NF2: variants seen among roughly 807,000 people sequenced by gnomAD.
NF2 encodes NF2, moesin-ezrin-radixin like (MERLIN) tumor suppressor.
NF2 carries 8 observed loss-of-function variants against 83.7 expected under a neutral mutation model. The observed-to-expected ratio is 0.10, with a 90% confidence interval of 0.06 to 0.17. The LOEUF (loss-of-function observed/expected upper bound fraction) is 0.17. NF2 is among the 10% of genes least tolerant of loss of function. The pLI, the probability that NF2 is intolerant of heterozygous loss-of-function variation, is 1.00. For synonymous variants in NF2, 266 were observed against 269.6 expected, an observed-to-expected ratio of 0.99 and a Z score of 0.13; for missense variants, 533 against 744.4, an observed-to-expected ratio of 0.72 and a Z score of 3.31.
In NF2 at chr22:29,636,132, T is replaced by C. The variant is rs2065641053; in HGVS notation, c.115-619T>C. On this transcript the variant is annotated intron_variant, in intron 1 of 15. Transcript: ENST00000338641. This position sits in a 1 kb window ranked among gnomAD's most constrained non-coding sequence, Gnocchi z 4.4. Reference sequence around the variant, plus strand: ...TCACCTGGGTTTAGATACCAGGAGTTTGAATTTGCTCTGGGTGACTGGGTG... The same window carrying C: ...TCACCTGGGTTTAGATACCAGGAGTCTGAATTTGCTCTGGGTGACTGGGTG... 6.6e-6 allele frequency among the ~76,000 whole-genome samples: 1 copy of C among 152,168 alleles called. No individual in the cohort carries two copies. Among genetic ancestry groups the C allele is most frequent in the African/African-American group, 2.4e-5 (1 of 41,428 alleles).
chr22:29,659,637 T>C (rs2066417926), intron 7 of NF2, among the ~76,000 whole-genome samples: 1 of 152,184 alleles, frequency 6.6e-6, no homozygotes, highest in South Asian at 2.1e-4. Context: ...CTTAAAACAG[T>C]TTAAAAGGGG....
chr22:29,628,627 CTTTTT>C (rs5844863), intron 1 of NF2, among the ~76,000 whole-genome samples: 1 of 69,218 alleles, frequency 1.4e-5, no homozygotes, highest in South Asian at 5.9e-4. Context: ...TTTGTGACAT[CTTTTT>C]TTTTTTTTTT....
At chr22:29,666,793 A>G (rs183159846) in intron 9 of NF2, among the ~76,000 whole-genome samples, 1 of 152,320 alleles carries the variant, frequency 6.6e-6, no homozygotes, top group East Asian at 1.9e-4. Flanking sequence ...CCTGACCAAC[A>G]TGGAGAAATC....
At chr22:29,628,140 CTGTGTGTGTGTG>C (rs3138701) in intron 1 of NF2, among the ~76,000 whole-genome samples, 199 of 139,766 alleles carry the variant, frequency 1.4e-3, no homozygotes, top group African/African-American at 4.2e-3. Flanking sequence ...GAGACTTAAT[CTGTGTGTGTGTG>C]TGTGTGTGTG....
At chr22:29,689,984 G>A (rs1434115834) in intron 15 of NF2, among the ~76,000 whole-genome samples, 8 of 152,234 alleles carry the variant, frequency 5.3e-5, no homozygotes. Flanking sequence ...AGGAGAGTTG[G>A]CCGTGCGCCT....
At chr22:29,617,146 C>T (rs1357193129) in intron 1 of NF2, among the ~76,000 whole-genome samples, 1 of 152,138 alleles carries the variant, frequency 6.6e-6, no homozygotes, top group Non-Finnish European at 1.5e-5. Context: ...CCAGGCTGAT[C>T]TTGAACTCCT....
Position 29,607,756 on chromosome 22 carries a change from T to C in NF2, c.114+3644T>C, listed in dbSNP as rs116975379. Among the ~76,000 whole-genome samples the C allele has an allele frequency of 4.2e-3, 645 of 152,156 alleles. 10 individuals carry two copies. The Middle Eastern group carries it at 0.044, about 10-fold the overall frequency. On this transcript the variant is annotated intron_variant, in intron 1 of 15. Transcript: ENST00000338641. Reference sequence around the variant, plus strand: ...TTCACAGTACTATATATATTCACAATACTAAAGGAAAATATGATGACAAAG... The same window carrying C: ...TTCACAGTACTATATATATTCACAACACTAAAGGAAAATATGATGACAAAG...
At chr22:29,692,816 C>T (rs185188596) in intron 15 of NF2, among the ~76,000 whole-genome samples, 8 of 152,344 alleles carry the variant, frequency 5.3e-5, no homozygotes, top group African/African-American at 1.2e-4. Context: ...TCCCACCATG[C>T]GCCAGGTGCA....
At chr22:29,603,569 G>C (rs2064697483), upstream of NF2, 1 of 388,508 alleles carries the variant, frequency 2.6e-6, no homozygotes, top group Non-Finnish European at 4.5e-6. Flanking sequence ...GCTTCCCGCG[G>C]GCGCGCGGAG....
chr22:29,609,382 G>A lies in NF2; in HGVS notation c.114+5270G>A, dbSNP rs1006402054. The A allele has an allele frequency of 3.3e-5, 19 of 573,270 alleles. No homozygotes were observed. In the Admixed American group the frequency reaches 4.0e-4, roughly 12 times the overall value. The allele number at this position is 573,270 out of a possible 1,614,324, so 35.5% of individuals were successfully genotyped here. On this transcript the variant is annotated intron_variant, in intron 1 of 15. Coordinates refer to ENST00000338641, the MANE Select transcript of NF2 (RefSeq NM_000268.4). The stretch of plus-strand genomic sequence containing the variant: ...CTGACACTGTCCATAGGTGTGCAGA[G>A]GCGAAGCTAACATGATTGTGTCTGG...
chr22:29,609,276 T>C (rs1443601935), intron 1 of NF2: 3 of 704,360 alleles, frequency 4.3e-6, no homozygotes, highest in South Asian at 1.4e-5. Context: ...CATAAATTCA[T>C]GGAAGATATG....
chr22:29,621,192 G>T (rs142363667), intron 1 of NF2, among the ~76,000 whole-genome samples: 194 of 152,280 alleles, frequency 1.3e-3, no homozygotes, highest in African/African-American at 4.6e-3. Flanking sequence ...TCAAGCTTCA[G>T]TTTCCTTGTT....
At chr22:29,633,804 T>C (rs2065577510) in intron 1 of NF2, among the ~76,000 whole-genome samples, 1 of 152,252 alleles carries the variant, frequency 6.6e-6, no homozygotes, top group Non-Finnish European at 1.5e-5. Context: ...TAAAGCCTTC[T>C]CTGACCTAGG....
At position 29,642,191 on chromosome 22, in the gene NF2, G is replaced by T. The variant is rs2146892507; in HGVS notation, c.364-11G>T. The T allele has an allele frequency of 2.5e-6, 4 of 1,610,752 alleles. No individual in the cohort carries two copies. The highest frequency in any genetic ancestry group is 2.5e-6 in the Non-Finnish European group (3 of 1,176,952). ...CACAGAGTATCATGTCTCCCTTGTT[G>T]CTCCTTTCAGGTAAAGAAGCAGATT... On this transcript the variant is annotated splice_polypyrimidine_tract_variant and intron_variant, in intron 3 of 15. Coordinates refer to ENST00000338641, the MANE Select transcript of NF2 (RefSeq NM_000268.4).
At chr22:29,611,823 T>C (rs2064960033) in intron 1 of NF2, among the ~76,000 whole-genome samples, 1 of 152,316 alleles carries the variant, frequency 6.6e-6, no homozygotes, top group Admixed American at 6.5e-5. Flanking sequence ...AAAACTTAGT[T>C]GTAAATGTAT....
chr22:29,672,309 CTTTTTTT>C (rs779561094), intron 11 of NF2, among the ~76,000 whole-genome samples: 1 of 123,622 alleles, frequency 8.1e-6, no homozygotes, highest in Non-Finnish European at 1.7e-5. Flanking sequence ...CCACATGTCT[CTTTTTTT>C]TTTTTTTTTT....
chr22:29,651,047 A>G (rs955579463), intron 4 of NF2, among the ~76,000 whole-genome samples: 1 of 152,178 alleles, frequency 6.6e-6, no homozygotes, highest in Non-Finnish European at 1.5e-5. Flanking sequence ...CCATTATTAT[A>G]TCCATACTCT....
intron 9 of NF2, among the ~76,000 whole-genome samples, chr22:29,668,015 C>T (rs2066674690): frequency 6.6e-6 from 1 of 152,178 alleles, no homozygotes; most frequent in Non-Finnish European, 1.5e-5. Context: ...ACGAGCTTTC[C>T]TATCCTCCCT....
rs1986991363 is a variant in NF2, at chr22:29,698,571, G to A, written c.*3769G>A. On this transcript the variant is annotated 3_prime_UTR_variant, in exon 16 of 16. Transcript: ENST00000338641. ...GGGAACGATTATAACTTAAATGATT[G>A]TTTTAATAAAAATTCTAAGCTGGAA... 1.1e-5 allele frequency: 2 copies of A among 185,104 alleles called. No individual in the cohort carries two copies. The highest frequency in any genetic ancestry group is 2.0e-4 in the South Asian group (1 of 5,102). 11.5% of individuals were successfully genotyped at this position (185,104 alleles called of 1,614,324 possible).
Sources: gnomAD v4.1 joint callset for allele counts (sites outside exome capture counted in the v4.1 genomes callset) on GRCh38, gnomAD v4.1.1 for gene constraint, Gnocchi (gnomAD v3.1) non-coding constraint, MANE v1.5 for transcripts, NCBI Gene and HGNC (gene_info 2026-07-23, HGNC 2026-07-21) for gene names.